The following ALG1L2 variants were observed in gnomAD, a reference collection of about 807,000 sequenced individuals.
ALG1L2 encodes the protein ALG1 chitobiosyldiphosphodolichol beta-mannosyltransferase like 2.
Under a neutral mutation model 29.0 loss-of-function variants are expected in ALG1L2, and 32 were observed. That is an observed-to-expected ratio of 1.10 (90% CI 0.83 to 1.48). ALG1L2 has a LOEUF of 1.48. ALG1L2 is among the 40% of genes most tolerant of loss of function. The pLI is 0.00. For synonymous variants in ALG1L2, 110 were observed against 109.5 expected (o/e 1.00, Z -0.03); for missense variants, 318 against 274.1 (o/e 1.16, Z -1.13).
intron 1 of ALG1L2, among the ~76,000 whole-genome samples, chr3:130,086,235 G>A (rs968847726): frequency 2.6e-5 from 4 of 151,304 alleles, no homozygotes; most frequent in Non-Finnish European, 4.4e-5. Flanking sequence ...AGGCGCTAGC[G>A]CACTTTGAAG....
At chr3:130,083,108 TAG>T (rs1399733777) in intron 1 of ALG1L2, among the ~76,000 whole-genome samples, 1 of 131,800 alleles carries the variant, frequency 7.6e-6, no homozygotes, top group African/African-American at 2.6e-5. Context: ...AAGCCAAAGG[TAG>T]AGAGTGGTGG....
chr3:130,086,833 TG>T (rs1294262552), intron 1 of ALG1L2, among the ~76,000 whole-genome samples: 1 of 150,820 alleles, frequency 6.6e-6, no homozygotes, highest in East Asian at 1.9e-4. Context: ...AAACCACAAG[TG>T]GGCAGACTCT....
Sources: allele counts gnomAD v4.1 joint callset (sites outside exome capture counted in the v4.1 genomes callset), GRCh38; gene constraint gnomAD v4.1.1; transcripts MANE v1.5; gene names NCBI Gene and HGNC (gene_info 2026-07-23, HGNC 2026-07-21).